The following COPA variants were observed in gnomAD, a reference collection of about 807,000 sequenced individuals.
The protein encoded by COPA is coatomer subunit alpha.
In COPA, 10 loss-of-function variants were observed where a neutral mutation model predicts 158.7. The observed-to-expected ratio is 0.06, with a 90% CI of 0.04 to 0.11. COPA has a LOEUF of 0.11. Ranked by LOEUF, COPA falls within the 10% of genes least tolerant of loss-of-function variation. The probability of loss-of-function intolerance (pLI) is 1.00; values close to 1 mark genes in which losing one functional copy is unlikely to be tolerated. For synonymous variants in COPA, 462 were observed against 542.8 expected, an observed-to-expected ratio of 0.85 and a Z score of 2.07; for missense variants, 1,065 against 1,536.7, an observed-to-expected ratio of 0.69 and a Z score of 5.13.
chr1:160,329,713 A>C (rs1332288623), intron 6 of COPA, among the ~76,000 whole-genome samples: 6 of 152,236 alleles, frequency 3.9e-5, no homozygotes, highest in African/African-American at 1.2e-4. Flanking sequence ...GAACTAGAAT[A>C]GCATTAGCTA....
chr1:160,329,574 T>C (rs980293500), intron 6 of COPA, among the ~76,000 whole-genome samples: 5 of 151,580 alleles, frequency 3.3e-5, no homozygotes, highest in African/African-American at 2.4e-5. Context: ...GCAGGGAACA[T>C]GCAAGGCTGG....
intron 23 of COPA, among the ~76,000 whole-genome samples, chr1:160,295,283 G>C (rs943443140): frequency 6.6e-6 from 1 of 152,114 alleles, no homozygotes; most frequent in African/African-American, 2.4e-5. Context: ...TCTTACTCAC[G>C]GGAAATGAAC....
At chr1:160,297,269 C>T in intron 21 of COPA, 74 bp downstream of exon 21, 1 of 1,307,190 alleles carries the variant, frequency 7.6e-7, no homozygotes, top group Non-Finnish European at 1.1e-6. Context: ...CACCACTATA[C>T]ACAGATTAAC....
intron 8 of COPA, among the ~76,000 whole-genome samples, chr1:160,322,989 G>GCACA (rs112126446): frequency 0.077 from 11,230 of 145,354 alleles, 529 homozygotes; most frequent in African/African-American, 0.14. Flanking sequence ...ACGCGCACGT[G>GCACA]CACACACACA....
chr1:160,306,563 T>A, intron 14 of COPA, 70 bp from the exon 15 acceptor site: 1 of 1,576,534 alleles, frequency 6.3e-7, no homozygotes, highest in Non-Finnish European at 8.7e-7. Flanking sequence ...CTGATGATGT[T>A]CCTCAGCAAT....
At chr1:160,325,489 T>C in intron 7 of COPA, 54 bp downstream of exon 7, 1 of 1,411,000 alleles carries the variant, frequency 7.1e-7, no homozygotes, top group Non-Finnish European at 1.0e-6. Flanking sequence ...CAACATACTG[T>C]GACTTTCCCA....
chr1:160,290,204 C>T lies in COPA; in HGVS notation c.3628G>A (p.Gly1210Ser). Residue 1210 changes from glycine (G) to serine (S), a missense_variant, in exon 33 of 33, where the codon GGC (glycine) becomes AGC (serine). Around this residue, in one of 2 missense-constraint regions of COPA, gnomAD observed 980 missense variants for 1,357.8 expected, o/e 0.72. Coordinates refer to ENST00000241704, the MANE Select transcript of COPA (RefSeq NM_004371.4). ...ICRVTTVTEI[G>S]KDVIGLRISP... ...ATCCTTAAACCAATCACATCTTTGC[C>T]AATCTCTGTCACCTGTGGAAAAACA... The T allele has an allele frequency of 6.2e-7, 1 of 1,614,074 alleles. No homozygotes were observed. The highest frequency in any genetic ancestry group is 1.7e-5 in the Admixed American group (1 of 60,022).
In COPA at chr1:160,295,833, C is replaced by T. The variant is rs145664652; in HGVS notation, c.2379G>A (p.Lys793=). The change falls in exon 23 of 33, where the codon AAG becomes AAA. Residue 793 remains lysine (K), a synonymous_variant. Transcript: ENST00000241704. ...ETIPDIDPNA[K]LLQPPAPIMP... The stretch of plus-strand genomic sequence containing the variant: ...TGATAGGTGCAGGTGGCTGGAGCAG[C>T]TTGGCATTAGGGTCAATGTCTGGGA... 1.6e-5 allele frequency: 25 copies of T among 1,612,470 alleles called. No homozygotes were observed. The highest frequency in any genetic ancestry group is 2.1e-5 in the Non-Finnish European group (25 of 1,179,590).
At chr1:160,324,592 C>T (rs1312949497) in intron 7 of COPA, among the ~76,000 whole-genome samples, 1 of 151,756 alleles carries the variant, frequency 6.6e-6, no homozygotes, top group East Asian at 1.9e-4. Flanking sequence ...CCCACTGCAC[C>T]CAGCCTATTT....
rs143827776 is a variant in COPA, at chr1:160,339,945, T to C, written c.192A>G (p.Pro64=). The C allele has an allele frequency of 4.4e-4, 717 of 1,614,172 alleles. 4 individuals carry two copies. The highest frequency in any genetic ancestry group is 2.0e-3 in the Middle Eastern group (12 of 6,062). The change falls in exon 3 of 33, where the codon CCA becomes CCG. Residue 64 remains proline, a synonymous_variant. Coordinates refer to ENST00000241704, the MANE Select transcript of COPA (RefSeq NM_004371.4). ...AGTCATCTCCTCCAGAGACGAACAG[T>C]GGCTGCTGCTTATGGAAGTCAATGC... ...VRGIDFHKQQ[P]LFVSGGDDYK...
Position 160,291,390 on chromosome 1 carries a change from G to T in COPA, c.3365C>A (p.Ala1122Asp). 6.2e-7 allele frequency: 1 copy of T among 1,614,060 alleles called. No individual in the cohort carries two copies. The highest frequency in any genetic ancestry group is 8.5e-7 in the Non-Finnish European group (1 of 1,179,990). Reference protein sequence around the residue: ...FFKLKNFKTAATFARRLLELG... With the variant: ...FFKLKNFKTADTFARRLLELG... ...TTCTAGTAGGCGCCGAGCAAAGGTG[G>T]CAGCTGTCTTGAAGTTCTTGAGCTT... Residue 1122 changes from alanine to aspartate, a missense_variant, in exon 31 of 33, where the codon GCC (alanine) becomes GAC (aspartate). Around this residue, in one of 2 missense-constraint regions of COPA, gnomAD observed 980 missense variants for 1,357.8 expected, o/e 0.72. Transcript: ENST00000241704.
chr1:160,308,411 G>A (rs1211383217), intron 13 of COPA, among the ~76,000 whole-genome samples: 1 of 152,230 alleles, frequency 6.6e-6, no homozygotes, highest in East Asian at 1.9e-4. Context: ...TTAGGAATCT[G>A]TTGATGGGGT....
rs140780302 is a variant in COPA at position 160,310,771 on chromosome 1, T to C, written c.1077-513A>G. Among the ~76,000 whole-genome samples, 524 of 152,298 alleles carry C rather than the reference T, an allele frequency of 3.4e-3. 1 individual carries two copies. The highest frequency in any genetic ancestry group is 6.3e-3 in the Admixed American group (97 of 15,300). On this transcript the variant is annotated intron_variant, in intron 11 of 32. Coordinates refer to ENST00000241704, the MANE Select transcript of COPA (RefSeq NM_004371.4). The stretch of plus-strand genomic sequence containing the variant: ...TGGCTTTTCAAAAGGACAGGTCCTT[T>C]TGCCAGGCATCCCAGAGGTTATTGT...
chr1:160,291,479 G>A lies in COPA; in HGVS notation c.3276C>T (p.Thr1092=). 1.2e-6 allele frequency: 2 copies of A among 1,613,546 alleles called. No individual in the cohort carries two copies. The highest frequency in any genetic ancestry group is 8.5e-7 in the Non-Finnish European group (1 of 1,179,586). ...TGTGCACAGGCTGCAGGTTTGAGTG[G>A]GTGAAATAGGCTGCCATCTGGTGGA... The part of the protein sequence containing the change: ...KRICEMAAYF[T]HSNLQPVHMI... The change falls in exon 31 of 33, where the codon ACC becomes ACT. Residue 1092 remains threonine (T), a synonymous_variant. Coordinates refer to ENST00000241704, the MANE Select transcript of COPA (RefSeq NM_004371.4).
At chr1:160,321,622 T>TA (rs1557871220) in intron 8 of COPA, among the ~76,000 whole-genome samples, 1 of 151,952 alleles carries the variant, frequency 6.6e-6, no homozygotes, top group African/African-American at 2.4e-5. Context: ...ACCTCGTCTC[T>TA]AAAAAAAGTA....
rs897534609 is a variant in COPA at position 160,309,126 on chromosome 1, T to C, written c.1194A>G (p.Lys398=). 1 of 1,613,748 alleles carries C rather than the reference T, an allele frequency of 6.2e-7. No homozygotes were observed. Among genetic ancestry groups the C allele is most frequent in the Non-Finnish European group, 8.5e-7 (1 of 1,179,658 alleles). ...CATCAGGATTCTGGGAGTCAGCATC[T>C]TTAGGGATGGTGTACAGGTCATAGG... ...NSTYDLYTIP[K]DADSQNPDAP... Residue 398 remains lysine, a synonymous_variant, in exon 13 of 33, where the codon AAA becomes AAG. Coordinates refer to ENST00000241704, the MANE Select transcript of COPA (RefSeq NM_004371.4).
chr1:160,308,825 A>G, intron 13 of COPA: 1 of 367,536 alleles, frequency 2.7e-6, no homozygotes, highest in East Asian at 4.9e-5. Flanking sequence ...TCAACTGACA[A>G]TAAACTAGGA....
intron 3 of COPA, among the ~76,000 whole-genome samples, chr1:160,338,229 T>C (rs1647865465): frequency 6.6e-6 from 1 of 152,208 alleles, no homozygotes; most frequent in Admixed American, 6.5e-5. Context: ...AAAAATACTA[T>C]AATGAGGTGA....
Position 160,335,242 on chromosome 1 carries a change from A to C in COPA, c.309T>G (p.His103Gln). ...AACTAGCGCCACCATGACTACTTAC[A>C]TGATGAAAAAACGTGGTGCGAATAT... Reference protein sequence around the residue: ...LDYIRTTFFHHEYPWILSASD... With the variant: ...LDYIRTTFFHQEYPWILSASD... The change falls in exon 4 of 33, where the codon CAT (histidine) becomes CAG (glutamine). Residue 103 changes from histidine to glutamine, a missense_variant and splice_region_variant. By Grantham distance (24) the His-to-Gln change is conservative (BLOSUM62 0). Transcript: ENST00000241704. The C allele has an allele frequency of 1.2e-6, 2 of 1,609,278 alleles. No individual in the cohort carries two copies. The highest frequency in any genetic ancestry group is 1.7e-6 in the Non-Finnish European group (2 of 1,177,568).
Sources: allele counts gnomAD v4.1 joint callset (sites outside exome capture counted in the v4.1 genomes callset), GRCh38; gene constraint gnomAD v4.1.1; regional missense constraint gnomAD v4.1.1; transcripts MANE v1.5; gene names NCBI Gene and HGNC (gene_info 2026-07-23, HGNC 2026-07-21).